NR6A1: variants seen among roughly 807,000 people sequenced by gnomAD.
NR6A1 encodes nuclear receptor subfamily 6 group A member 1, also known as retinoic acid receptor-related testis-associated receptor.
A neutral mutation model predicts 59.1 loss-of-function variants in NR6A1; 7 were observed. The observed-to-expected ratio is 0.12, with a 90% CI of 0.07 to 0.22. NR6A1 has a LOEUF of 0.22. Among genes scored for constraint, NR6A1 ranks in the 10% least tolerant of loss-of-function variants. The pLI is 1.00. For synonymous variants in NR6A1, 243 were observed against 236.1 expected (o/e 1.03, Z -0.27); for missense variants, 468 against 611.6 (o/e 0.77, Z 2.48).
rs897981507 is a variant in NR6A1 at position 124,531,416 on chromosome 9, T to C, written c.1079+4462A>G. 5.3e-5 allele frequency among the ~76,000 whole-genome samples: 8 copies of C among 152,208 alleles called. No homozygotes were observed. In the East Asian group the frequency reaches 1.5e-3, roughly 29 times the overall value. On this transcript the variant is annotated intron_variant, in intron 7 of 9. Transcript: ENST00000487099. The stretch of plus-strand genomic sequence containing the variant: ...GAGAAAAGGAGGTGATCATGTATCA[T>C]CTGGGAAAAGCCTTTCCATGACAGC...
chr9:124,613,497 T>C (rs1735663407), intron 2 of NR6A1, among the ~76,000 whole-genome samples: 1 of 151,236 alleles, frequency 6.6e-6, no homozygotes, highest in African/African-American at 2.4e-5. Flanking sequence ...TAAATAAAAA[T>C]AAAAAACACA....
At chr9:124,729,871 G>T (rs1839833157) in intron 2 of NR6A1, among the ~76,000 whole-genome samples, 2 of 149,640 alleles carry the variant, frequency 1.3e-5, no homozygotes, top group South Asian at 4.2e-4. Context: ...GGAGTGCAAT[G>T]GCACGATCTC....
chr9:124,702,849 A>G (rs1282824872), intron 2 of NR6A1, among the ~76,000 whole-genome samples: 1 of 152,008 alleles, frequency 6.6e-6, no homozygotes, highest in Non-Finnish European at 1.5e-5. Context: ...AGTCTCAGGC[A>G]TTCCCTTAGA....
intron 2 of NR6A1, among the ~76,000 whole-genome samples, chr9:124,711,638 C>T (rs1839284012): frequency 1.3e-5 from 2 of 152,168 alleles, no homozygotes; most frequent in Non-Finnish European, 2.9e-5. Context: ...CTCAGATCCC[C>T]TTGCATTAAG....
At chr9:124,571,535 T>G (rs979612051) in intron 2 of NR6A1, among the ~76,000 whole-genome samples, 3 of 152,190 alleles carry the variant, frequency 2.0e-5, no homozygotes, top group African/African-American at 7.2e-5. Context: ...GGACAGATAA[T>G]GGCCACTGCT....
Position 124,540,291 on chromosome 9 carries a change from G to A in NR6A1, c.442-104C>T, listed in dbSNP as rs968669732. 2.4e-6 allele frequency: 3 copies of A among 1,271,528 alleles called. No homozygotes were observed. In the African/African-American group the frequency reaches 4.5e-5, roughly 19 times the overall value. 78.8% of individuals were successfully genotyped at this position (1,271,528 alleles called of 1,614,324 possible). ...TCTCATAGGATTTCCCAGAAACCTA[G>A]GTTCCCTCTCCTCCATCCCCATATT... On this transcript the variant is annotated intron_variant, in intron 4 of 9. Coordinates refer to ENST00000487099, the MANE Select transcript of NR6A1 (RefSeq NM_033334.4).
chr9:124,767,760 AT>A (rs1840981081), intron 1 of NR6A1, among the ~76,000 whole-genome samples: 1 of 152,238 alleles, frequency 6.6e-6, no homozygotes, highest in Non-Finnish European at 1.5e-5. Context: ...GCACCGTGCT[AT>A]TCAGTGAACT....
chr9:124,636,990 C>CT (rs1836627835), intron 2 of NR6A1, among the ~76,000 whole-genome samples: 2 of 151,974 alleles, frequency 1.3e-5, no homozygotes, highest in African/African-American at 4.8e-5. Flanking sequence ...TGGAGGGAGA[C>CT]AGATCAGGAA....
intron 2 of NR6A1, among the ~76,000 whole-genome samples, chr9:124,730,142 T>G (rs1000237779): frequency 6.6e-5 from 10 of 152,178 alleles, no homozygotes; most frequent in Non-Finnish European, 8.8e-5. Context: ...CAGATCCTTA[T>G]GTATTTCTTC....
At chr9:124,588,304 G>C (rs1272742796) in intron 2 of NR6A1, among the ~76,000 whole-genome samples, 1 of 151,814 alleles carries the variant, frequency 6.6e-6, no homozygotes, top group African/African-American at 2.4e-5. Flanking sequence ...TATCCTAAAG[G>C]AACCTAGATC....
intron 2 of NR6A1, among the ~76,000 whole-genome samples, chr9:124,585,973 A>G (rs1834918602): frequency 1.3e-5 from 2 of 152,206 alleles, no homozygotes; most frequent in Non-Finnish European, 2.9e-5. Flanking sequence ...CTCAGAAACA[A>G]AGATAACTTT....
intron 6 of NR6A1, 113 bp from the exon 7 acceptor site, chr9:124,536,245 C>A (rs554458886): frequency 1.7e-6 from 2 of 1,196,864 alleles, no homozygotes; most frequent in Non-Finnish European, 2.4e-6. Flanking sequence ...GGGCTCCTTG[C>A]TCCATGCCCA....
rs574555739 is a variant in NR6A1, at chr9:124,568,111, T to A, written c.143-13541A>T. On this transcript the variant is annotated intron_variant, in intron 2 of 9. Transcript: ENST00000487099. ...ATCCCTTGAACTTGGAAGGTGGAGG[T>A]TGCAGTGAGCTGAGATGGCGCCACT... Among the ~76,000 whole-genome samples the A allele has an allele frequency of 2.3e-5, 3 of 130,432 alleles. No homozygotes were observed. In the East Asian group the frequency reaches 7.0e-4, roughly 30 times the overall value. 85.6% of individuals were successfully genotyped at this position (130,432 alleles called of 152,430 possible). A position where few individuals can be genotyped will look rare whatever the true frequency, so the allele number is the denominator to read the frequency against.
intron 2 of NR6A1, among the ~76,000 whole-genome samples, chr9:124,617,682 TC>T (rs1297382833): frequency 6.6e-5 from 10 of 151,972 alleles, no homozygotes; most frequent in South Asian, 6.2e-4. Flanking sequence ...GAGGGCAGCA[TC>T]CCCCAGACCA....
intron 2 of NR6A1, among the ~76,000 whole-genome samples, chr9:124,642,194 C>T (rs1388545440): frequency 5.3e-5 from 8 of 152,038 alleles, no homozygotes; most frequent in African/African-American, 9.7e-5. Flanking sequence ...GGATTACAAG[C>T]GCACACCACC....
Position 124,756,700 on chromosome 9 carries a change from C to T in NR6A1, c.100+14320G>A, listed in dbSNP as rs188500055. Among the ~76,000 whole-genome samples the T allele has an allele frequency of 2.0e-5, 3 of 152,312 alleles. No individual in the cohort carries two copies. In the East Asian group the frequency reaches 5.8e-4, roughly 29 times the overall value. The stretch of plus-strand genomic sequence containing the variant: ...TTCTAAAGGAATGCAAGTTTAAATT[C>T]TCTCTGCATGTACTTAATTTCTATT... On this transcript the variant is annotated intron_variant, in intron 1 of 9. Coordinates refer to ENST00000487099, the MANE Select transcript of NR6A1 (RefSeq NM_033334.4).
intron 2 of NR6A1, among the ~76,000 whole-genome samples, chr9:124,606,791 A>G (rs1463739951): frequency 6.6e-6 from 1 of 152,212 alleles, no homozygotes; most frequent in Admixed American, 6.5e-5. Flanking sequence ...ACCCGCTGGC[A>G]GCTTGTCTGA....
intron 2 of NR6A1, among the ~76,000 whole-genome samples, chr9:124,699,257 T>C (rs1286838309): frequency 2.0e-5 from 3 of 152,200 alleles, no homozygotes; most frequent in Non-Finnish European, 4.4e-5. Context: ...ACCCAAACTC[T>C]TGCCTACTTG....
chr9:124,617,654 T>C (rs1232729914), intron 2 of NR6A1, among the ~76,000 whole-genome samples: 2 of 152,072 alleles, frequency 1.3e-5, no homozygotes, highest in African/African-American at 4.8e-5. Flanking sequence ...GCTGTGGGTG[T>C]CCTAGAGTCC....
Sources: allele counts gnomAD v4.1 joint callset (sites outside exome capture counted in the v4.1 genomes callset), GRCh38; gene constraint gnomAD v4.1.1; transcripts MANE v1.5; gene names NCBI Gene and HGNC (gene_info 2026-07-23, HGNC 2026-07-21).